The following MNS1 variants were observed in gnomAD, a reference collection of about 807,000 sequenced individuals.
MNS1 encodes the protein meiosis-specific nuclear structural protein 1.
A neutral mutation model predicts 72.0 loss-of-function variants in MNS1; 63 were observed. The observed-to-expected ratio is 0.87, with a 90% confidence interval of 0.71 to 1.08. MNS1 has a LOEUF of 1.08. MNS1 is among the 50% of genes least tolerant of loss of function. The pLI, the probability that MNS1 is intolerant of heterozygous loss-of-function variation, is 0.00. For missense variants in MNS1, 604 were observed against 562.4 expected, an observed-to-expected ratio of 1.07 and a Z score of -0.75; for synonymous variants, 188 against 172.1, an observed-to-expected ratio of 1.09 and a Z score of -0.72.
chr15:56,457,730 G>A (rs755293962), intron 2 of MNS1, among the ~76,000 whole-genome samples: 4 of 151,696 alleles, frequency 2.6e-5, no homozygotes, highest in South Asian at 2.1e-4. Flanking sequence ...TAGGAGGACC[G>A]CCGGAGACCA....
chr15:56,441,895 C>T (rs1266428880), intron 7 of MNS1, among the ~76,000 whole-genome samples: 1 of 151,998 alleles, frequency 6.6e-6, no homozygotes, highest in African/African-American at 2.4e-5. Flanking sequence ...TGGCGGGTGC[C>T]TGTAGTCCCA....
chr15:56,456,922 AT>A (rs2140377354), intron 2 of MNS1, among the ~76,000 whole-genome samples: 1 of 152,248 alleles, frequency 6.6e-6, no homozygotes, highest in Non-Finnish European at 1.5e-5. Context: ...CCTGATCAGA[AT>A]TTTTAAAAAT....
At chr15:56,464,288 C>A in intron 1 of MNS1, 41 bp from the exon 2 acceptor site, 2 of 1,397,246 alleles carry the variant, frequency 1.4e-6, no homozygotes, top group South Asian at 1.3e-5. Context: ...TTTGATATTC[C>A]AAAATCTAAT....
intron 9 of MNS1, 150 bp from the exon 10 acceptor site, chr15:56,429,343 T>G: frequency 1.7e-6 from 1 of 574,280 alleles, no homozygotes. Flanking sequence ...AAATCAATAC[T>G]TTTCAAAAAA....
intron 7 of MNS1, 55 bp from the exon 8 acceptor site, chr15:56,434,450 TA>T: frequency 6.6e-7 from 1 of 1,522,118 alleles, no homozygotes; most frequent in Admixed American, 1.9e-5. Flanking sequence ...ACCAGATTTA[TA>T]AGGAAAGAGT....
At chr15:56,443,157 C>T (rs1038087279) in intron 7 of MNS1, among the ~76,000 whole-genome samples, 15 of 152,112 alleles carry the variant, frequency 9.9e-5, no homozygotes, top group Non-Finnish European at 1.6e-4. Flanking sequence ...TATCTTTCAC[C>T]ATCCTTTTGC....
At chr15:56,435,696 T>C (rs1275008788) in intron 7 of MNS1, among the ~76,000 whole-genome samples, 1 of 151,974 alleles carries the variant, frequency 6.6e-6, no homozygotes, top group Non-Finnish European at 1.5e-5. Context: ...TCCTCCAAAA[T>C]AAAACCCCAA....
chr15:56,442,920 A>G (rs1237809535), intron 7 of MNS1, among the ~76,000 whole-genome samples: 1 of 152,134 alleles, frequency 6.6e-6, no homozygotes, highest in Admixed American at 6.6e-5. Flanking sequence ...GAAAAAAAAA[A>G]AAATCTTGAA....
At chr15:56,452,965 T>C (rs1339236806) in intron 3 of MNS1, among the ~76,000 whole-genome samples, 1 of 152,174 alleles carries the variant, frequency 6.6e-6, no homozygotes, top group East Asian at 1.9e-4. Flanking sequence ...AAGCCTGCTA[T>C]GTTAACTCTT....
At position 56,446,874 on chromosome 15, in the gene MNS1, A is replaced by C. The variant is rs1048797633; in HGVS notation, c.423T>G (p.Ile141Met). ...AYMNKERAAQ[I>M]AEKDAIKYEQ... ...CATATTTAATGGCATCCTTTTCAGC[A>C]ATCTGAGCTGCCCTTTCTTTATTCA... The change falls in exon 4 of 10, where the codon ATT becomes ATG. Residue 141 changes from isoleucine (I) to methionine (M), a missense_variant. Transcript: ENST00000260453. 3.1e-6 allele frequency: 5 copies of C among 1,610,684 alleles called. No homozygotes were observed. The African/African-American group carries it at 4.0e-5, about 13-fold the overall frequency.
chr15:56,440,614 A>G (rs1271873115), intron 7 of MNS1, among the ~76,000 whole-genome samples: 1 of 152,210 alleles, frequency 6.6e-6, no homozygotes, highest in Admixed American at 6.5e-5. Flanking sequence ...TATACATGCC[A>G]ATGGAATGTT....
rs1483011417 is a variant in MNS1 at position 56,443,810 on chromosome 15, T to C, written c.731A>G (p.Tyr244Cys). 1.9e-6 allele frequency: 3 copies of C among 1,608,868 alleles called. No homozygotes were observed. Among genetic ancestry groups the C allele is most frequent in the African/African-American group, 1.3e-5 (1 of 74,708 alleles). Residue 244 changes from tyrosine (Y) to cysteine (C), a missense_variant, in exon 6 of 10, where the codon TAT becomes TGT. Tyr to Cys is a radical substitution (Grantham distance 194). Coordinates refer to ENST00000260453, the MANE Select transcript of MNS1 (RefSeq NM_018365.4). ...KLEKMNAMRR[Y>C]IEEFQKEQAL... ...CTGCTCTTTCTGAAACTCTTCTATA[T>C]ACCTTCGCATTGCATTCATTTTTTC...
At chr15:56,441,742 C>T (rs2050817379) in intron 7 of MNS1, among the ~76,000 whole-genome samples, 1 of 152,098 alleles carries the variant, frequency 6.6e-6, no homozygotes, top group Non-Finnish European at 1.5e-5. Context: ...TGGCCAGGCA[C>T]GGTGGCTCAC....
chr15:56,442,574 T>C (rs2050835958), intron 7 of MNS1, among the ~76,000 whole-genome samples: 2 of 152,078 alleles, frequency 1.3e-5, no homozygotes, highest in South Asian at 4.2e-4. Context: ...AAGAACAAAA[T>C]CATATCCTTT....
chr15:56,441,419 G>A (rs1490937069), intron 7 of MNS1, among the ~76,000 whole-genome samples: 3 of 152,014 alleles, frequency 2.0e-5, no homozygotes, highest in Admixed American at 1.3e-4. Context: ...CTTTCAATAC[G>A]ATATCCTGCG....
chr15:56,429,075 C>A lies in MNS1; in HGVS notation c.*26G>T. The A allele has an allele frequency of 6.8e-7, 1 of 1,475,662 alleles. No homozygotes were observed. The highest frequency in any genetic ancestry group is 1.2e-5 in the South Asian group (1 of 81,274). 91.4% of individuals were successfully genotyped at this position (1,475,662 alleles called of 1,614,324 possible). A position where few individuals can be genotyped will look rare whatever the true frequency, so the allele number is the denominator to read the frequency against. Reference sequence around the variant, plus strand: ...CATCTAGTGGTAACATGCAAAAAATCTATGCTTTACCCAATTTTGATGATA... The same window carrying A: ...CATCTAGTGGTAACATGCAAAAAATATATGCTTTACCCAATTTTGATGATA... On this transcript the variant is annotated 3_prime_UTR_variant, in exon 10 of 10. Coordinates refer to ENST00000260453, the MANE Select transcript of MNS1 (RefSeq NM_018365.4).
chr15:56,448,117 C>T (rs2050921226), intron 3 of MNS1, among the ~76,000 whole-genome samples: 1 of 152,050 alleles, frequency 6.6e-6, no homozygotes, highest in South Asian at 2.1e-4. Context: ...AATTTGAGTA[C>T]CAGTTATTTG....
intron 7 of MNS1, among the ~76,000 whole-genome samples, chr15:56,437,440 A>T (rs1453164018): frequency 6.6e-6 from 1 of 152,184 alleles, no homozygotes; most frequent in African/African-American, 2.4e-5. Context: ...AACTCTCAAT[A>T]AATTAGGTGT....
chr15:56,449,453 A>C (rs28893330), intron 3 of MNS1, among the ~76,000 whole-genome samples: 2,973 of 152,252 alleles, frequency 0.02, 106 homozygotes, highest in African/African-American at 0.069. Flanking sequence ...AATAAATTAA[A>C]TTTGGTCAGG....
Sources: gnomAD v4.1 joint callset for allele counts (sites outside exome capture counted in the v4.1 genomes callset) on GRCh38, gnomAD v4.1.1 for gene constraint, MANE v1.5 for transcripts, NCBI Gene and HGNC (gene_info 2026-07-23, HGNC 2026-07-21) for gene names.